Variants in LHFPL3 observed in about 807,000 individuals in gnomAD.
LHFPL3 encodes LHFPL tetraspan subfamily member 3.
In LHFPL3, 5 loss-of-function variants were observed where a neutral mutation model predicts 19.3. That is an observed-to-expected ratio of 0.26 (90% confidence interval 0.14 to 0.54). The LOEUF is 0.54. LHFPL3 is among the 20% of genes least tolerant of loss of function. LHFPL3 has a pLI of 0.94. For synonymous variants in LHFPL3, 133 were observed against 126.2 expected (o/e 1.05, Z -0.36); for missense variants, 249 against 307.4 (o/e 0.81, Z 1.42).
At chr7:104,689,241 G>GTGTCCAAGTAGTGGCAC (rs1173900354) in intron 1 of LHFPL3, among the ~76,000 whole-genome samples, 1 of 152,170 alleles carries the variant, frequency 6.6e-6, no homozygotes, top group Non-Finnish European at 1.5e-5. Flanking sequence ...CAAGGTGGCA[G>GTGTCCAAGTAGTGGCAC]TGTCCAAGTA....
intron 1 of LHFPL3, among the ~76,000 whole-genome samples, chr7:104,550,832 C>G (rs1371218886): frequency 3.3e-5 from 5 of 152,110 alleles, no homozygotes; most frequent in African/African-American, 1.2e-4. Context: ...CTAGATTTTC[C>G]TTTAAAGTTA....
At chr7:104,841,493 G>GTGT (rs372610653) in intron 2 of LHFPL3, among the ~76,000 whole-genome samples, 48,779 of 140,686 alleles carry the variant, frequency 0.35, 9,071 homozygotes, top group South Asian at 0.43. Context: ...CATTATGTGG[G>GTGT]GTGTGTGTGT....
intron 1 of LHFPL3, among the ~76,000 whole-genome samples, chr7:104,689,599 T>G (rs1238024858): frequency 1.3e-5 from 2 of 152,070 alleles, no homozygotes; most frequent in African/African-American, 4.8e-5. Context: ...TACTGACAAT[T>G]TATACTGTTA....
chr7:104,629,309 T>C (rs796172841), intron 1 of LHFPL3, among the ~76,000 whole-genome samples: 5 of 152,268 alleles, frequency 3.3e-5, no homozygotes, highest in African/African-American at 1.2e-4. Flanking sequence ...CAGCAGCTCA[T>C]TGCATCTATG....
chr7:104,368,605 G>C (rs1193813973), intron 1 of LHFPL3, among the ~76,000 whole-genome samples: 2 of 151,278 alleles, frequency 1.3e-5, no homozygotes, highest in East Asian at 3.9e-4. Context: ...CCTGACTTTC[G>C]GCCTTAGCAT....
intron 2 of LHFPL3, among the ~76,000 whole-genome samples, chr7:104,751,246 C>G (rs1305478534): frequency 2.9e-5 from 4 of 137,330 alleles, no homozygotes; most frequent in Non-Finnish European, 4.7e-5. Flanking sequence ...CATATGCCAT[C>G]AACTCCACTG....
At chr7:104,886,848 G>T (rs964849065) in intron 2 of LHFPL3, among the ~76,000 whole-genome samples, 2 of 152,158 alleles carry the variant, frequency 1.3e-5, no homozygotes, top group African/African-American at 4.8e-5. Context: ...GTCTCCCATG[G>T]GCTAAGCTGC....
At chr7:104,798,558 C>CA (rs1261346654) in intron 2 of LHFPL3, among the ~76,000 whole-genome samples, 5 of 152,090 alleles carry the variant, frequency 3.3e-5, no homozygotes, top group Non-Finnish European at 7.4e-5. Context: ...GTATAGTCTA[C>CA]AAAAAAATTA....
At chr7:104,448,922 A>G (rs1378870814) in intron 1 of LHFPL3, among the ~76,000 whole-genome samples, 2 of 152,238 alleles carry the variant, frequency 1.3e-5, no homozygotes, top group Non-Finnish European at 2.9e-5. Flanking sequence ...CTGTTGGTGC[A>G]GTTTGAAAGC....
intron 1 of LHFPL3, among the ~76,000 whole-genome samples, chr7:104,454,794 A>G (rs1168327778): frequency 2.0e-5 from 3 of 152,206 alleles, no homozygotes; most frequent in African/African-American, 7.2e-5. Flanking sequence ...GCTTTAATTA[A>G]AAGACAGAAG....
chr7:104,431,769 A>G (rs900131382), intron 1 of LHFPL3, among the ~76,000 whole-genome samples: 1 of 152,200 alleles, frequency 6.6e-6, no homozygotes, highest in Non-Finnish European at 1.5e-5. Flanking sequence ...TAATATTTGT[A>G]TTGAGAAATA....
intron 1 of LHFPL3, among the ~76,000 whole-genome samples, chr7:104,558,572 G>T (rs1297265838): frequency 6.6e-6 from 1 of 151,148 alleles, no homozygotes; most frequent in East Asian, 1.9e-4. Context: ...GTAGATTCTG[G>T]ATATTAGCCC....
chr7:104,741,123 T>C (rs756352409), intron 2 of LHFPL3, among the ~76,000 whole-genome samples: 1 of 152,160 alleles, frequency 6.6e-6, no homozygotes, highest in Non-Finnish European at 1.5e-5. Context: ...GCTAAAAGTC[T>C]CCACTTCTAC....
intron 1 of LHFPL3, among the ~76,000 whole-genome samples, chr7:104,465,502 G>A (rs557231532): frequency 6.6e-6 from 1 of 152,326 alleles, no homozygotes; most frequent in African/African-American, 2.4e-5. Context: ...ATTTATGAAG[G>A]AAAGAGATTT....
At chr7:104,535,567 C>A (rs1005122887) in intron 1 of LHFPL3, among the ~76,000 whole-genome samples, 8 of 152,194 alleles carry the variant, frequency 5.3e-5, no homozygotes, top group African/African-American at 1.9e-4. Context: ...CTGTTCTGTT[C>A]TGATGGGGAG....
intron 1 of LHFPL3, among the ~76,000 whole-genome samples, chr7:104,394,616 A>C (rs1170605462): frequency 6.6e-6 from 1 of 152,062 alleles, no homozygotes; most frequent in East Asian, 1.9e-4. Context: ...TATACACATC[A>C]TTATTGATTT....
intron 1 of LHFPL3, among the ~76,000 whole-genome samples, chr7:104,554,502 G>A (rs1311695757): frequency 6.6e-6 from 1 of 152,080 alleles, no homozygotes; most frequent in Non-Finnish European, 1.5e-5. Context: ...TCGTGTTATA[G>A]ACTAAATGTG....
At position 104,399,888 on chromosome 7, in the gene LHFPL3, G is replaced by T. The variant is rs904305788; in HGVS notation, c.445+70664G>T. On this transcript the variant is annotated intron_variant, in intron 1 of 2. Transcript: ENST00000424859. The surrounding 1 kb of genome is among the most constrained non-coding windows in gnomAD (Gnocchi z 4.4). ...CAGGGAGCCGAGGCAGGTGGATCAC[G>T]TGAGGTCGAGTTTGAGACCAGCCTG... 1.3e-5 allele frequency among the ~76,000 whole-genome samples: 2 copies of T among 151,154 alleles called. No homozygotes were observed. Among genetic ancestry groups the T allele is most frequent in the Admixed American group, 6.6e-5 (1 of 15,136 alleles).
rs865975988 is a variant in LHFPL3, at chr7:104,830,685, A to G, written c.683-75502A>G. On this transcript the variant is annotated intron_variant, in intron 2 of 2. Coordinates refer to ENST00000424859, the MANE Select transcript of LHFPL3 (RefSeq NM_199000.3). ...TCTGAGGGCTCTGTTCTGTTCCATT[A>G]ATCTATATCTCTGTTTTGGTACCAG... Among the ~76,000 whole-genome samples, 39 of 151,878 alleles carry G rather than the reference A, an allele frequency of 2.6e-4. 1 individual carries two copies. Among genetic ancestry groups the G allele is most frequent in the African/African-American group, 9.2e-4 (38 of 41,174 alleles).
Sources: allele counts gnomAD v4.1 joint callset (sites outside exome capture counted in the v4.1 genomes callset), GRCh38; gene constraint gnomAD v4.1.1; non-coding constraint Gnocchi (gnomAD v3.1); transcripts MANE v1.5; gene names NCBI Gene and HGNC (gene_info 2026-07-23, HGNC 2026-07-21).